Variants in UBE2L3 observed in about 807,000 individuals in gnomAD.
UBE2L3 encodes the protein ubiquitin conjugating enzyme E2 L3.
Under a neutral mutation model 17.8 loss-of-function variants are expected in UBE2L3, and 1 was observed. The observed-to-expected ratio is 0.06, with a 90% CI of 0.02 to 0.27. The LOEUF (loss-of-function observed/expected upper bound fraction) is 0.27, where lower values mean the gene tolerates loss of function less well. Ranked by LOEUF, UBE2L3 falls within the 10% of genes least tolerant of loss-of-function variation. The pLI, the probability that UBE2L3 is intolerant of heterozygous loss-of-function variation, is 1.00. For missense variants in UBE2L3, 40 were observed against 192.6 expected, an observed-to-expected ratio of 0.21 and a Z score of 4.69; for synonymous variants, 44 against 68.5, an observed-to-expected ratio of 0.64 and a Z score of 1.76.
chr22:21,575,903 A>G (rs769095345), intron 1 of UBE2L3, among the ~76,000 whole-genome samples: 2 of 151,842 alleles, frequency 1.3e-5, no homozygotes, highest in Non-Finnish European at 2.9e-5. Context: ...TAGCCTCCCA[A>G]AGGATTACAG....
chr22:21,570,824 C>T (rs1458264549), intron 1 of UBE2L3, among the ~76,000 whole-genome samples: 1 of 152,104 alleles, frequency 6.6e-6, no homozygotes, highest in Non-Finnish European at 1.5e-5. Flanking sequence ...GTGCATGGAA[C>T]AGTGCCTTAG....
At chr22:21,559,989 T>G (rs1926374367) in intron 1 of UBE2L3, among the ~76,000 whole-genome samples, 2 of 152,280 alleles carry the variant, frequency 1.3e-5, no homozygotes, top group African/African-American at 4.8e-5. Context: ...GGTAGTATGG[T>G]GCGAGCTTCT....
chr22:21,623,042 G>A lies in UBE2L3; in HGVS notation c.*1373G>A, dbSNP rs934217981. ...GTCGCTCTGACACCCCAAGGAAGCC[G>A]ACGATCCAAATGCCGTGTGTCACCA... On this transcript the variant is annotated 3_prime_UTR_variant, in exon 4 of 4. Coordinates refer to ENST00000342192, the MANE Select transcript of UBE2L3 (RefSeq NM_003347.4). 3 of 152,334 alleles carry A rather than the reference G, an allele frequency of 2.0e-5. No individual in the cohort carries two copies. Among genetic ancestry groups the A allele is most frequent in the South Asian group, 2.1e-4 (1 of 4,830 alleles). 9.4% of individuals were successfully genotyped at this position (152,334 alleles called of 1,614,324 possible).
rs148431277 is a variant in UBE2L3 at position 21,609,626 on chromosome 22, T to C, written c.124-1231T>C. 2.8e-3 allele frequency among the ~76,000 whole-genome samples: 423 copies of C among 152,232 alleles called. 3 individuals are homozygous for C. Among genetic ancestry groups the C allele is most frequent in the African/African-American group, 9.7e-3 (402 of 41,530 alleles). ...GGGAGGCTGAGGTGGGAGGATTGCT[T>C]GAGCCTGTGAAGTCAAGGTTGCAAT... On this transcript the variant is annotated intron_variant, in intron 2 of 3. Transcript: ENST00000342192.
chr22:21,609,607 C>T (rs912560254), intron 2 of UBE2L3, among the ~76,000 whole-genome samples: 3 of 152,048 alleles, frequency 2.0e-5, no homozygotes, highest in African/African-American at 7.3e-5. Flanking sequence ...ACTTGGGAGG[C>T]TGAGGTGGGA....
At chr22:21,591,191 T>C (rs1345098063) in intron 1 of UBE2L3, among the ~76,000 whole-genome samples, 1 of 152,150 alleles carries the variant, frequency 6.6e-6, no homozygotes, top group African/African-American at 2.4e-5. Context: ...GGCCACCCCA[T>C]TCCTCACTGC....
At chr22:21,568,811 C>G (rs1926791690) in intron 1 of UBE2L3, among the ~76,000 whole-genome samples, 1 of 152,112 alleles carries the variant, frequency 6.6e-6, no homozygotes, top group African/African-American at 2.4e-5. Flanking sequence ...CGGAGCAGTG[C>G]TTGGTAGAGC....
At chr22:21,577,064 G>C (rs1239990008) in intron 1 of UBE2L3, among the ~76,000 whole-genome samples, 1 of 151,754 alleles carries the variant, frequency 6.6e-6, no homozygotes, top group Non-Finnish European at 1.5e-5. Flanking sequence ...CGCCTCCTGG[G>C]TTCACGCCAT....
chr22:21,565,689 G>A (rs183012681), upstream of UBE2L3, among the ~76,000 whole-genome samples: 699 of 124,850 alleles, frequency 5.6e-3, 10 homozygotes, highest in African/African-American at 0.02. Context: ...GGAGGCAGAG[G>A]TTACAGTGAG....
intron 3 of UBE2L3, among the ~76,000 whole-genome samples, chr22:21,620,286 C>T (rs76060896): frequency 0.017 from 2,577 of 151,942 alleles, 64 homozygotes; most frequent in African/African-American, 0.059. Context: ...ATTAGCTGGA[C>T]GTGATGGCAT....
At chr22:21,565,893 A>G (rs1568967932), upstream of UBE2L3, among the ~76,000 whole-genome samples, 1 of 150,130 alleles carries the variant, frequency 6.7e-6, no homozygotes, top group Non-Finnish European at 1.5e-5. Context: ...AATGATTGCA[A>G]CCGGTTTCCA....
chr22:21,599,919 C>G (rs1928765429), intron 2 of UBE2L3, among the ~76,000 whole-genome samples: 1 of 152,122 alleles, frequency 6.6e-6, no homozygotes, highest in South Asian at 2.1e-4. Flanking sequence ...TGGTCTTTGT[C>G]AAATTCGGTT....
intron 1 of UBE2L3, among the ~76,000 whole-genome samples, chr22:21,586,865 T>A (rs1927966888): frequency 4.1e-5 from 6 of 146,564 alleles, no homozygotes; most frequent in Admixed American, 2.8e-4. Context: ...TGTGAGCCAC[T>A]GTGCCCGGCC....
chr22:21,613,816 T>C (rs1007659651), intron 3 of UBE2L3, among the ~76,000 whole-genome samples: 2 of 152,152 alleles, frequency 1.3e-5, no homozygotes, highest in Non-Finnish European at 2.9e-5. Flanking sequence ...GCGGAAATGG[T>C]ATTAGCTAAG....
intron 1 of UBE2L3, among the ~76,000 whole-genome samples, chr22:21,586,654 A>T (rs1320933405): frequency 6.9e-6 from 1 of 144,696 alleles, no homozygotes; most frequent in Non-Finnish European, 1.5e-5. Flanking sequence ...CACAACCTCC[A>T]CCTCCCGGAT....
chr22:21,598,211 T>TGTGTGTGTGTGTGTGTGTGTG (rs1555885650), intron 2 of UBE2L3, among the ~76,000 whole-genome samples: 6 of 98,114 alleles, frequency 6.1e-5, no homozygotes, highest in East Asian at 1.3e-3. Flanking sequence ...GTGTGTGTGT[T>TGTGTGTGTGTGTGTGTGTGTG]TTTCATTTAT....
At chr22:21,587,952 G>A (rs1928037033) in intron 1 of UBE2L3, among the ~76,000 whole-genome samples, 3 of 152,144 alleles carry the variant, frequency 2.0e-5, no homozygotes, top group South Asian at 4.1e-4. Flanking sequence ...ACCTCATTCT[G>A]AGAAGCATTG....
chr22:21,562,198 CTTTTTTT>C (rs1050849043), intron 1 of UBE2L3, among the ~76,000 whole-genome samples: 1 of 133,354 alleles, frequency 7.5e-6, no homozygotes, highest in Non-Finnish European at 1.6e-5. Context: ...TTTTTTTTTT[CTTTTTTT>C]TTTTTTTGAG....
rs1030083511 is a variant in UBE2L3, at chr22:21,623,408, A to C, written c.*1739A>C. ...GGCTGGCGTTTCCACATCTGTCTTC[A>C]TTAGCAGAAAAGTGATGATGGATTT... On this transcript the variant is annotated 3_prime_UTR_variant, in exon 4 of 4. Coordinates refer to ENST00000342192, the MANE Select transcript of UBE2L3 (RefSeq NM_003347.4). The C allele has an allele frequency of 6.5e-6, 1 of 152,794 alleles. No individual in the cohort carries two copies. Among genetic ancestry groups the C allele is most frequent in the African/African-American group, 2.4e-5 (1 of 41,456 alleles). The allele number at this position is 152,794 out of a possible 1,614,324, so 9.5% of individuals were successfully genotyped here. A position where few individuals can be genotyped will look rare whatever the true frequency, so the allele number is the denominator to read the frequency against.
Sources: gnomAD v4.1 joint callset for allele counts (sites outside exome capture counted in the v4.1 genomes callset) on GRCh38, gnomAD v4.1.1 for gene constraint, MANE v1.5 for transcripts, NCBI Gene and HGNC (gene_info 2026-07-23, HGNC 2026-07-21) for gene names.